Variants in NIBAN3 observed in about 807,000 individuals in gnomAD.
NIBAN3 encodes the protein niban apoptosis regulator 3, also known as protein Niban 3.
In NIBAN3, 66 loss-of-function variants were observed where a neutral mutation model predicts 76.4. The ratio of observed to expected loss-of-function variants is 0.86; its 90% CI spans 0.71 to 1.06. The LOEUF (loss-of-function observed/expected upper bound fraction) is 1.06. Among genes scored for constraint, NIBAN3 ranks in the 50% least tolerant of loss-of-function variants. The pLI, the probability that NIBAN3 is intolerant of heterozygous loss-of-function variation, is 0.00. For synonymous variants in NIBAN3, 360 were observed against 355.2 expected (o/e 1.01, Z -0.15); for missense variants, 808 against 810.7 (o/e 1.00, Z 0.04).
chr19:17,546,451 A>G, intron 12 of NIBAN3: 1 of 649,266 alleles, frequency 1.5e-6, no homozygotes, highest in African/African-American at 1.9e-5. Context: ...TCCTGACCTC[A>G]TGATCCGCCC....
chr19:17,554,905 G>A (rs1308285827), downstream of NIBAN3, among the ~76,000 whole-genome samples: 16 of 149,334 alleles, frequency 1.1e-4, no homozygotes, highest in South Asian at 2.7e-3. Context: ...ACTCCAGCCC[G>A]GGCAACAAAG....
At chr19:17,537,712 G>A (rs1280011169) in intron 5 of NIBAN3, among the ~76,000 whole-genome samples, 169 bp downstream of exon 5, 4 of 152,090 alleles carry the variant, frequency 2.6e-5, no homozygotes, top group Non-Finnish European at 5.9e-5. Context: ...TTGGGAGGCC[G>A]AGGCAGGCAG....
intron 4 of NIBAN3, among the ~76,000 whole-genome samples, chr19:17,534,367 T>C (rs1599720771): frequency 6.6e-6 from 1 of 151,742 alleles, no homozygotes; most frequent in Admixed American, 6.6e-5. Flanking sequence ...ATACAAAAAT[T>C]AGCCGGTGTA....
intron 4 of NIBAN3, 88 bp from the exon 5 acceptor site, chr19:17,537,288 C>A: frequency 7.7e-7 from 1 of 1,298,320 alleles, no homozygotes; most frequent in South Asian, 1.3e-5. Context: ...GAGCAACTGC[C>A]CATGCCAGGG....
Position 17,552,058 on chromosome 19 carries a change from C to A in NIBAN3, c.*160C>A. On this transcript the variant is annotated 3_prime_UTR_variant, in exon 15 of 15. Coordinates refer to ENST00000599164, the MANE Select transcript of NIBAN3 (RefSeq NM_001321827.2). ...GCAGCAGCATTTATTTGTGTATTTT[C>A]CCCAAGGCTTTCTTTATTTTAATTT... 1 of 436,372 alleles carries A rather than the reference C, an allele frequency of 2.3e-6. No individual in the cohort carries two copies. Among genetic ancestry groups the A allele is most frequent in the South Asian group, 5.4e-5 (1 of 18,666 alleles). The allele number at this position is 436,372 out of a possible 1,614,324, so 27.0% of individuals were successfully genotyped here. A position where few individuals can be genotyped will look rare whatever the true frequency, so the allele number is the denominator to read the frequency against.
downstream of NIBAN3, among the ~76,000 whole-genome samples, chr19:17,554,481 C>A (rs1599771196): frequency 6.9e-6 from 1 of 145,710 alleles, no homozygotes; most frequent in Non-Finnish European, 1.5e-5. Context: ...GAGTAAGACC[C>A]TCTCTGTGAA....
Position 17,553,023 on chromosome 19 carries a change from G to A in NIBAN3, c.*1125G>A. The A allele has an allele frequency of 4.9e-6, 1 of 202,386 alleles. No individual in the cohort carries two copies. The highest frequency in any genetic ancestry group is 1.0e-5 in the Non-Finnish European group (1 of 99,906). The allele number at this position is 202,386 out of a possible 1,614,324, so 12.5% of individuals were successfully genotyped here. On this transcript the variant is annotated 3_prime_UTR_variant, in exon 15 of 15. Coordinates refer to ENST00000599164, the MANE Select transcript of NIBAN3 (RefSeq NM_001321827.2). ...CTGGGAACTCAAGGCTGCAGTGAGT[G>A]GTGATTGCACCACTGCACTCCAGCC...
intron 3 of NIBAN3, 152 bp from the exon 4 acceptor site, chr19:17,533,435 G>C (rs2075767685): frequency 1.8e-6 from 1 of 549,608 alleles, no homozygotes; most frequent in Non-Finnish European, 3.2e-6. Flanking sequence ...AAAAAAGAGA[G>C]AGGGAGGAAT....
Position 17,527,380 on chromosome 19 carries a change from C to T in NIBAN3, c.40C>T (p.Arg14Trp), listed in dbSNP as rs1473339524. The T allele has an allele frequency of 1.1e-5, 15 of 1,426,698 alleles. No individual in the cohort carries two copies. The Admixed American group carries it at 1.5e-4, about 14-fold the overall frequency. 88.4% of individuals were successfully genotyped at this position (1,426,698 alleles called of 1,614,324 possible). Residue 14 changes from arginine to tryptophan, a missense_variant, in exon 1 of 15, where the codon CGG becomes TGG. By Grantham distance (101) the Arg-to-Trp change is moderately radical (BLOSUM62 -3). Transcript: ENST00000599164. ...TTCGAGCCCTCTGGACAAGCAGCAG[C>T]GGCAGCACCTAAGGGGTGAGCAGCC... ...RPSSPLDKQQ[R>W]QHLRGQVDTL... is the part of the protein sequence containing the mutation.
intron 14 of NIBAN3, chr19:17,549,939 C>A: frequency 2.8e-6 from 1 of 358,246 alleles, no homozygotes; most frequent in Admixed American, 4.3e-5. Flanking sequence ...GCCTCAGCCT[C>A]CCGAGTAGCT....
chr19:17,553,675 C>G, downstream of NIBAN3: 1 of 897,774 alleles, frequency 1.1e-6, no homozygotes, highest in Non-Finnish European at 1.8e-6. Flanking sequence ...TTACCCCGGA[C>G]GGGATGTAGA....
Position 17,537,403 on chromosome 19 carries a change from C to T in NIBAN3, c.455C>T (p.Ser152Phe), listed in dbSNP as rs1201575737. The change falls in exon 5 of 15, where the codon TCC becomes TTC. Residue 152 changes from serine (S) to phenylalanine (F), a missense_variant. Ser to Phe is a radical substitution (Grantham distance 155). Transcript: ENST00000599164. ...GACCATACTCAGGAAGAGCCTGACTCCCTCTTGGAAGTGCCTGTGAGCTTC... is the reference window on the plus strand; with the variant it reads ...GACCATACTCAGGAAGAGCCTGACTTCCTCTTGGAAGTGCCTGTGAGCTTC... ...LGDHTQEEPDSLLEVPVSFPL... is the reference protein window; with the variant it reads ...LGDHTQEEPDFLLEVPVSFPL... The T allele has an allele frequency of 3.1e-6, 5 of 1,614,094 alleles. No individual in the cohort carries two copies. The highest frequency in any genetic ancestry group is 2.2e-5 in the East Asian group (1 of 44,874).
In NIBAN3 at chr19:17,546,718, C is replaced by A; in HGVS notation, c.1587C>A (p.Ala529=). The A allele has an allele frequency of 6.3e-7, 1 of 1,598,890 alleles. No homozygotes were observed. Among genetic ancestry groups the A allele is most frequent in the Non-Finnish European group, 8.5e-7 (1 of 1,173,912 alleles). The part of the protein sequence containing the change: ...ELPEFEGDVL[A]VGSQALTTEG... ...CTGAGTTCGAGGGGGATGTCCTTGC[C>A]GTGGGCAGCCAGGCTCTGACCACTG... Residue 529 remains alanine, a synonymous_variant, in exon 13 of 15, where the codon GCC becomes GCA. Transcript: ENST00000599164.
At chr19:17,526,969 G>A (rs1024733946), upstream of NIBAN3, among the ~76,000 whole-genome samples, 7 of 152,070 alleles carry the variant, frequency 4.6e-5, no homozygotes, top group Admixed American at 1.3e-4. Context: ...GGGGGGTGTG[G>A]CACCAGGAAC....
At chr19:17,555,146 A>T (rs902111504), downstream of NIBAN3, among the ~76,000 whole-genome samples, 3 of 152,158 alleles carry the variant, frequency 2.0e-5, no homozygotes, top group Admixed American at 2.0e-4. Flanking sequence ...GGACAGACTG[A>T]GGCTCACATA....
In NIBAN3 at chr19:17,542,295, G is replaced by T; in HGVS notation, c.1329+1G>T. 1.2e-6 allele frequency: 2 copies of T among 1,603,204 alleles called. No individual in the cohort carries two copies. The highest frequency in any genetic ancestry group is 1.7e-6 in the Non-Finnish European group (2 of 1,174,660). On this transcript the variant is annotated splice_donor_variant, in intron 10 of 14. Transcript: ENST00000599164. LOFTEE classifies it high-confidence loss of function. This position sits in a 1 kb window ranked among gnomAD's most constrained non-coding sequence, Gnocchi z 4.8. ...TGGGGCCCAAGATCTTGCACAGCAGGTGAGGGTGAGAGGAGGCTGGGATGA... is the reference window on the plus strand; with the variant it reads ...TGGGGCCCAAGATCTTGCACAGCAGTTGAGGGTGAGAGGAGGCTGGGATGA...
chr19:17,549,448 G>A lies in NIBAN3; in HGVS notation c.1671G>A (p.Leu557=). 1 of 1,612,092 alleles carries A rather than the reference G, an allele frequency of 6.2e-7. No individual in the cohort carries two copies. Among genetic ancestry groups the A allele is most frequent in the Non-Finnish European group, 8.5e-7 (1 of 1,178,488 alleles). Residue 557 remains leucine, a synonymous_variant, in exon 14 of 15, where the codon TTG becomes TTA. Coordinates refer to ENST00000599164, the MANE Select transcript of NIBAN3 (RefSeq NM_001321827.2). ...CAAGAGTTCATCTCATTTCAGAATT[G>A]AAAAAGACCCTTGGTGCCAATGATG... is the stretch of plus-strand genomic sequence containing the variant. The part of the protein sequence containing the change: ...GCLLQRIDQE[L]KKTLGANDVS...
Position 17,549,300 on chromosome 19 carries a change from G to A in NIBAN3, c.1667-144G>A, listed in dbSNP as rs142720579. On this transcript the variant is annotated intron_variant, in intron 13 of 14. Coordinates refer to ENST00000599164, the MANE Select transcript of NIBAN3 (RefSeq NM_001321827.2). ...GGATCGGTTAGCAATGTCTGCCATG[G>A]GTGCGGGCTTGGAGAGAGGCTCTAT... 1.7e-3 allele frequency: 1,121 copies of A among 657,606 alleles called. 8 individuals are homozygous for A. Among genetic ancestry groups the A allele is most frequent in the South Asian group, 5.9e-3 (318 of 53,574 alleles). 40.7% of individuals were successfully genotyped at this position (657,606 alleles called of 1,614,324 possible).
At chr19:17,530,928 G>A (rs1276690073) in intron 2 of NIBAN3, 43 bp downstream of exon 2, 1 of 1,589,546 alleles carries the variant, frequency 6.3e-7, no homozygotes, top group African/African-American at 1.4e-5. Flanking sequence ...GTTAGGGGAG[G>A]GTCCTGGAGG....
Sources: gnomAD v4.1 joint callset for allele counts (sites outside exome capture counted in the v4.1 genomes callset) on GRCh38, gnomAD v4.1.1 for gene constraint, Gnocchi (gnomAD v3.1) non-coding constraint, MANE v1.5 for transcripts, NCBI Gene and HGNC (gene_info 2026-07-23, HGNC 2026-07-21) for gene names.